RMND1: variants seen among roughly 807,000 people sequenced by gnomAD.
The protein encoded by RMND1 is required for meiotic nuclear division protein 1 homolog.
In RMND1, 41 loss-of-function variants were observed where a neutral mutation model predicts 54.0. That is an observed-to-expected ratio of 0.76 (90% confidence interval 0.59 to 0.98). The LOEUF is 0.98. Among genes scored for constraint, RMND1 ranks in the 50% least tolerant of loss-of-function variants. RMND1 has a pLI of 0.00. For missense variants in RMND1, 457 were observed against 532.0 expected, an observed-to-expected ratio of 0.86 and a Z score of 1.39; for synonymous variants, 183 against 181.7, an observed-to-expected ratio of 1.01 and a Z score of -0.06.
intron 6 of RMND1, among the ~76,000 whole-genome samples, chr6:151,424,091 TC>T (rs1780226190): frequency 6.6e-6 from 1 of 151,410 alleles, no homozygotes; most frequent in South Asian, 2.1e-4. Flanking sequence ...CCTCAAATGA[TC>T]CACCCACCTC....
chr6:151,412,412 C>T (rs926166596), intron 10 of RMND1, among the ~76,000 whole-genome samples: 4 of 152,162 alleles, frequency 2.6e-5, no homozygotes, highest in African/African-American at 9.7e-5. Flanking sequence ...CCATCTCAGC[C>T]TCCCAAAGGG....
At chr6:151,410,811 A>C (rs938329659) in intron 10 of RMND1, among the ~76,000 whole-genome samples, 1 of 152,220 alleles carries the variant, frequency 6.6e-6, no homozygotes, top group Non-Finnish European at 1.5e-5. Context: ...AACGAAAGAT[A>C]ACCGTTTTTA....
At chr6:151,435,235 C>T (rs1275546998) in intron 3 of RMND1, among the ~76,000 whole-genome samples, 2 of 152,024 alleles carry the variant, frequency 1.3e-5, no homozygotes, top group Non-Finnish European at 2.9e-5. Context: ...AACCTCCACC[C>T]TCCAGGTTCA....
intron 2 of RMND1, among the ~76,000 whole-genome samples, chr6:151,444,293 C>T (rs1319547719): frequency 6.6e-6 from 1 of 152,198 alleles, no homozygotes; most frequent in Non-Finnish European, 1.5e-5. Context: ...CAGGTTACCC[C>T]AAAGCTCCAG....
At chr6:151,450,649 T>G (rs1582976678) in intron 1 of RMND1, among the ~76,000 whole-genome samples, 1 of 137,858 alleles carries the variant, frequency 7.3e-6, no homozygotes, top group African/African-American at 2.7e-5. Context: ...CGGCCGCCCC[T>G]ACTGGGATGT....
intron 5 of RMND1, 74 bp from the exon 6 acceptor site, chr6:151,427,656 T>C: frequency 1.1e-6 from 1 of 922,650 alleles, no homozygotes; most frequent in Non-Finnish European, 1.7e-6. Context: ...TTTTAATGCT[T>C]ATAACAGTCT....
chr6:151,427,359 G>A, intron 6 of RMND1, 123 bp downstream of exon 6: 1 of 538,554 alleles, frequency 1.9e-6, no homozygotes, highest in South Asian at 2.0e-5. Context: ...CTGGGCGACA[G>A]AGTGAGACTC....
At chr6:151,439,734 A>T (rs1255641575) in intron 2 of RMND1, among the ~76,000 whole-genome samples, 1 of 152,206 alleles carries the variant, frequency 6.6e-6, no homozygotes, top group Non-Finnish European at 1.5e-5. Context: ...ATCTTGGCTC[A>T]TCACAACCTC....
intron 6 of RMND1, among the ~76,000 whole-genome samples, chr6:151,424,103 G>A (rs947562319): frequency 1.4e-4 from 21 of 151,956 alleles, no homozygotes; most frequent in African/African-American, 5.1e-4. Flanking sequence ...CACCCACCTC[G>A]GCCTCCCAAA....
intron 2 of RMND1, among the ~76,000 whole-genome samples, chr6:151,439,044 G>A (rs1178324780): frequency 6.6e-6 from 1 of 152,132 alleles, no homozygotes; most frequent in Non-Finnish European, 1.5e-5. Context: ...AATCCAGGAG[G>A]CCGAGGTTGC....
chr6:151,451,213 A>C (rs989016638), intron 1 of RMND1, among the ~76,000 whole-genome samples: 7 of 151,766 alleles, frequency 4.6e-5, no homozygotes, highest in African/African-American at 7.3e-5. Flanking sequence ...AAAAAAAAAA[A>C]AAAAAACACA....
chr6:151,443,322 CTT>C (rs1006972855), intron 2 of RMND1, among the ~76,000 whole-genome samples: 1 of 152,096 alleles, frequency 6.6e-6, no homozygotes, highest in African/African-American at 2.4e-5. Context: ...ATTTTCTTCT[CTT>C]TTTTTGAGAC....
rs1215948575 is a variant in RMND1, at chr6:151,430,196, A to G, written c.690-19T>C. On this transcript the variant is annotated intron_variant, in intron 4 of 11. Transcript: ENST00000444024. ...TCCTTCCCTGATTTAAAAAAATAAA[A>G]GAAACAACTAAGATACAGATGGAAT... 3.8e-6 allele frequency: 6 copies of G among 1,564,254 alleles called. No individual in the cohort carries two copies. The highest frequency in any genetic ancestry group is 5.3e-6 in the Non-Finnish European group (6 of 1,136,872).
At chr6:151,424,547 C>T (rs1780242297) in intron 6 of RMND1, among the ~76,000 whole-genome samples, 1 of 151,440 alleles carries the variant, frequency 6.6e-6, no homozygotes, top group South Asian at 2.1e-4. Flanking sequence ...CAGTAATAGT[C>T]ACTCCACACA....
intron 3 of RMND1, among the ~76,000 whole-genome samples, chr6:151,434,240 C>T (rs1228740182): frequency 6.6e-6 from 1 of 151,764 alleles, no homozygotes; most frequent in African/African-American, 2.4e-5. Flanking sequence ...GCATATATTC[C>T]ATAATATAAA....
At chr6:151,405,872 CAATTT>C (rs758541254) in intron 10 of RMND1, 36 bp from the exon 11 acceptor site, 11 of 1,050,846 alleles carry the variant, frequency 1.0e-5, no homozygotes, top group Admixed American at 8.6e-5. Context: ...TGTATTTAAA[CAATTT>C]AATACGGTCA....
At chr6:151,429,158 G>A (rs1372673078) in intron 5 of RMND1, among the ~76,000 whole-genome samples, 1 of 146,924 alleles carries the variant, frequency 6.8e-6, no homozygotes, top group Non-Finnish European at 1.5e-5. Context: ...GTATGCCTCT[G>A]TCTCCCAGGC....
chr6:151,449,001 T>C (rs113396728), intron 1 of RMND1, among the ~76,000 whole-genome samples: 13,080 of 128,758 alleles, frequency 0.1, 720 homozygotes, highest in Middle Eastern at 0.27. Context: ...GGCTTGAATC[T>C]GGGAGGCGGA....
intron 2 of RMND1, among the ~76,000 whole-genome samples, chr6:151,442,693 CTTTTTTTT>C (rs71790787): frequency 3.1e-5 from 4 of 130,454 alleles, no homozygotes; most frequent in Non-Finnish European, 6.4e-5. Flanking sequence ...GCAAGCCCGG[CTTTTTTTT>C]TTTTTTTTTT....
Sources: gnomAD v4.1 joint callset for allele counts (sites outside exome capture counted in the v4.1 genomes callset) on GRCh38, gnomAD v4.1.1 for gene constraint, MANE v1.5 for transcripts, NCBI Gene and HGNC (gene_info 2026-07-23, HGNC 2026-07-21) for gene names.